The following CDH11 variants were observed in gnomAD, a reference collection of about 807,000 sequenced individuals.
The protein encoded by CDH11 is cadherin 11, also known as cadherin-11.
In CDH11, 11 loss-of-function variants were observed where a neutral mutation model predicts 67.8. The observed-to-expected ratio is 0.16, with a 90% CI of 0.10 to 0.27. CDH11 has a LOEUF of 0.27. Among genes scored for constraint, CDH11 ranks in the 10% least tolerant of loss-of-function variants. The pLI, the probability that CDH11 is intolerant of heterozygous loss-of-function variation, is 1.00. For synonymous variants in CDH11, 419 were observed against 400.0 expected (o/e 1.05, Z -0.57); for missense variants, 847 against 1,031.2 (o/e 0.82, Z 2.45).
At chr16:65,081,693 C>A (rs938373589) in intron 1 of CDH11, among the ~76,000 whole-genome samples, 7 of 151,800 alleles carry the variant, frequency 4.6e-5, no homozygotes, top group Non-Finnish European at 7.4e-5. Context: ...CCCAAGAGAA[C>A]CTGAGTTTTG....
chr16:64,972,835 T>C (rs2072045960), intron 9 of CDH11, 69 bp downstream of exon 9: 2 of 1,520,940 alleles, frequency 1.3e-6, no homozygotes, highest in Non-Finnish European at 1.8e-6. Flanking sequence ...TATTTTACTT[T>C]CCAGAATATA....
In CDH11 at chr16:64,945,301, T is replaced by TAAAAAAAAAAAAA. The variant is rs3046001; in HGVS notation, c.*2289_*2301dup. The TAAAAAAAAAAAAA allele has an allele frequency of 1.8e-5, 7 of 388,298 alleles. No homozygotes were observed. The highest frequency in any genetic ancestry group is 7.5e-5 in the African/African-American group (3 of 40,102). The allele number at this position is 388,298 out of a possible 1,614,324, so 24.1% of individuals were successfully genotyped here. On this transcript the variant is annotated 3_prime_UTR_variant, in exon 13 of 13. Coordinates refer to ENST00000268603, the MANE Select transcript of CDH11 (RefSeq NM_001797.4). The stretch of plus-strand genomic sequence containing the variant: ...AGAGGCTTAACGAAAAAATAAAAGG[T>TAAAAAAAAAAAAA]AAAAAAAAAAAAAAAAAAGAAAAAG...
intron 1 of CDH11, among the ~76,000 whole-genome samples, chr16:65,076,607 C>T (rs535873385): frequency 1.2e-4 from 18 of 152,032 alleles, no homozygotes; most frequent in Non-Finnish European, 2.4e-4. Context: ...TATACACGTG[C>T]CATGGTGGTT....
Position 64,945,877 on chromosome 16 carries a change from G to A in CDH11, c.*1726C>T. The A allele has an allele frequency of 1.9e-6, 2 of 1,056,764 alleles. No individual in the cohort carries two copies. The highest frequency in any genetic ancestry group is 2.3e-6 in the Non-Finnish European group (2 of 873,998). 65.5% of individuals were successfully genotyped at this position (1,056,764 alleles called of 1,614,324 possible). On this transcript the variant is annotated 3_prime_UTR_variant, in exon 13 of 13. Coordinates refer to ENST00000268603, the MANE Select transcript of CDH11 (RefSeq NM_001797.4). ...ACTGTAAAAATTGTCTGCAATCCAA[G>A]AAAAAGCACGTGCCCTGTGTGTAGG...
chr16:65,036,431 T>C (rs2073756312), intron 2 of CDH11, among the ~76,000 whole-genome samples: 1 of 152,146 alleles, frequency 6.6e-6, no homozygotes, highest in South Asian at 2.1e-4. Context: ...GCCATGTTCC[T>C]CTTCCACAGA....
chr16:64,950,631 C>T, intron 12 of CDH11, 136 bp downstream of exon 12: 1 of 1,084,882 alleles, frequency 9.2e-7, no homozygotes, highest in East Asian at 2.7e-5. Flanking sequence ...GCCCCCGTAC[C>T]CCACTTCTTT....
chr16:65,015,465 A>G (rs973416453), intron 2 of CDH11, among the ~76,000 whole-genome samples: 9 of 152,048 alleles, frequency 5.9e-5, no homozygotes, highest in African/African-American at 2.2e-4. Context: ...CAAAACCCAG[A>G]ACCTAAACTC....
chr16:65,029,590 G>T (rs969979243), intron 2 of CDH11, among the ~76,000 whole-genome samples: 1 of 152,168 alleles, frequency 6.6e-6, no homozygotes, highest in African/African-American at 2.4e-5. Flanking sequence ...ACAGAAGAAT[G>T]GTGGCAATTC....
intron 2 of CDH11, among the ~76,000 whole-genome samples, chr16:65,031,608 T>C (rs944030595): frequency 6.6e-5 from 10 of 152,150 alleles, no homozygotes; most frequent in Non-Finnish European, 1.5e-4. Flanking sequence ...TAAGATCCTA[T>C]GTTCAGGTAA....
At chr16:65,074,744 C>A (rs1311157310) in intron 1 of CDH11, among the ~76,000 whole-genome samples, 1 of 152,046 alleles carries the variant, frequency 6.6e-6, no homozygotes, top group Non-Finnish European at 1.5e-5. Context: ...ATAAAAACAA[C>A]TTAACTGAAA....
In CDH11 at chr16:65,053,983, T is replaced by C. The variant is rs529383679; in HGVS notation, c.-297-55A>G. On this transcript the variant is annotated intron_variant, in intron 1 of 12. Transcript: ENST00000268603. ...CTAGTGGTGCCATGAATTGACCAAG[T>C]GATACAGTATTAAACACAGTTGCAT... 3 of 453,696 alleles carry C rather than the reference T, an allele frequency of 6.6e-6. No individual in the cohort carries two copies. The Admixed American group carries it at 7.1e-5, about 11-fold the overall frequency. The allele number at this position is 453,696 out of a possible 1,614,324, so 28.1% of individuals were successfully genotyped here.
chr16:64,972,867 G>A, intron 9 of CDH11, 37 bp downstream of exon 9: 2 of 1,605,754 alleles, frequency 1.2e-6, no homozygotes, highest in Non-Finnish European at 1.7e-6. Flanking sequence ...GATAATACTT[G>A]GTAAAGTAGA....
rs1567551165 is a variant in CDH11, at chr16:65,053,899, AG to A, written c.-269del. On this transcript the variant is annotated 5_prime_UTR_variant, in exon 2 of 13. An upstream open reading frame in the 5' UTR gains an earlier in-frame stop. Transcript: ENST00000268603. Reference sequence around the variant, plus strand: ...AAATGACAACACGAAGGAATGTCACAGGGCCGCTGAGCTGAAAACACAGTGA... The same window carrying A: ...AAATGACAACACGAAGGAATGTCACAGGCCGCTGAGCTGAAAACACAGTGA... 2.2e-6 allele frequency: 1 copy of A among 456,078 alleles called. No homozygotes were observed. Among genetic ancestry groups the A allele is most frequent in the Non-Finnish European group, 4.4e-6 (1 of 226,796 alleles). 28.3% of individuals were successfully genotyped at this position (456,078 alleles called of 1,614,324 possible).
At chr16:64,994,119 C>G (rs1364858930) in intron 4 of CDH11, among the ~76,000 whole-genome samples, 2 of 152,176 alleles carry the variant, frequency 1.3e-5, no homozygotes, top group East Asian at 3.9e-4. Flanking sequence ...CCTATCACTA[C>G]CTTTAATTTA....
chr16:65,100,700 T>TG (rs2074976310), intron 1 of CDH11, among the ~76,000 whole-genome samples: 1 of 144,362 alleles, frequency 6.9e-6, no homozygotes, highest in African/African-American at 2.6e-5. Context: ...ATCGCGCCAC[T>TG]GCACTCCAGC....
chr16:65,048,534 T>TGTGC (rs779903758), intron 2 of CDH11, among the ~76,000 whole-genome samples: 2 of 151,320 alleles, frequency 1.3e-5, no homozygotes, highest in African/African-American at 4.9e-5. Flanking sequence ...AAATGTGGCG[T>TGTGC]GTGTGTGTGT....
intron 2 of CDH11, among the ~76,000 whole-genome samples, chr16:65,009,848 C>T (rs549266393): frequency 6.6e-6 from 1 of 152,262 alleles, no homozygotes; most frequent in Admixed American, 6.5e-5. Context: ...TGTGCAAAGC[C>T]ACCAGCTCGA....
In CDH11 at chr16:65,116,749, T is replaced by C. The variant is rs1423669453; in HGVS notation, c.-298+5131A>G. On this transcript the variant is annotated intron_variant, in intron 1 of 12. Transcript: ENST00000268603. ...AGATTCAGCTCTTCAATTGGCTTAA[T>C]AAGGATAGAGAGAGAGAGAGAGAGG... 9.7e-5 allele frequency among the ~76,000 whole-genome samples: 14 copies of C among 144,888 alleles called. No individual in the cohort carries two copies. The Admixed American group carries it at 9.8e-4, about 10-fold the overall frequency.
chr16:65,075,921 T>A (rs183866475), intron 1 of CDH11, among the ~76,000 whole-genome samples: 141 of 152,350 alleles, frequency 9.3e-4, no homozygotes, highest in African/African-American at 3.2e-3. Context: ...AATGCCTGAT[T>A]TATCTTACAC....
Sources: allele counts gnomAD v4.1 joint callset (sites outside exome capture counted in the v4.1 genomes callset), GRCh38; gene constraint gnomAD v4.1.1; transcripts MANE v1.5; gene names NCBI Gene and HGNC (gene_info 2026-07-23, HGNC 2026-07-21).